The following FZD3 variants were observed in gnomAD, a reference collection of about 807,000 sequenced individuals.
FZD3 encodes frizzled class receptor 3.
In FZD3, 30 loss-of-function variants were observed where a neutral mutation model predicts 60.7. The observed-to-expected ratio is 0.49, with a 90% CI of 0.37 to 0.67. The LOEUF (loss-of-function observed/expected upper bound fraction) is 0.67. Among genes scored for constraint, FZD3 ranks in the 30% least tolerant of loss-of-function variants. The pLI, the probability that FZD3 is intolerant of heterozygous loss-of-function variation, is 0.00. For synonymous variants in FZD3, 246 were observed against 275.2 expected, an observed-to-expected ratio of 0.89 and a Z score of 1.05; for missense variants, 605 against 838.7, an observed-to-expected ratio of 0.72 and a Z score of 3.44.
At chr8:28,548,703 T>G (rs1805349664) in intron 5 of FZD3, among the ~76,000 whole-genome samples, 1 of 152,230 alleles carries the variant, frequency 6.6e-6, no homozygotes, top group African/African-American at 2.4e-5. Flanking sequence ...CTTTCCTGTT[T>G]GTTCTTGATT....
chr8:28,494,780 C>T (rs1803795315), intron 1 of FZD3, among the ~76,000 whole-genome samples: 1 of 151,664 alleles, frequency 6.6e-6, no homozygotes, highest in Non-Finnish European at 1.5e-5. Flanking sequence ...CGGCCGGAGC[C>T]GGCGGCAGCG....
At chr8:28,556,968 C>G (rs1805520105) in intron 7 of FZD3, among the ~76,000 whole-genome samples, 1 of 152,090 alleles carries the variant, frequency 6.6e-6, no homozygotes, top group Admixed American at 6.6e-5. Context: ...TTCAGTAATT[C>G]TTTTGAGAGA....
intron 6 of FZD3, among the ~76,000 whole-genome samples, chr8:28,554,389 G>A (rs1448457351): frequency 6.6e-6 from 1 of 152,108 alleles, no homozygotes; most frequent in Non-Finnish European, 1.5e-5. Flanking sequence ...AACGAATCCA[G>A]ATTTTTATTT....
In FZD3 at chr8:28,511,003, C is replaced by G. The variant is rs1271661389; in HGVS notation, c.189+7801C>G. Among the ~76,000 whole-genome samples, 35 of 152,060 alleles carry G rather than the reference C, an allele frequency of 2.3e-4. 1 individual carries two copies. Among genetic ancestry groups the G allele is most frequent in the Admixed American group, 2.3e-3 (35 of 15,270 alleles). ...AGTGAGCCGAGATCATGCCACTGCACTCCAGCCTGGGCAACGGAGTGAGAC... is the reference window on the plus strand; with the variant it reads ...AGTGAGCCGAGATCATGCCACTGCAGTCCAGCCTGGGCAACGGAGTGAGAC... On this transcript the variant is annotated intron_variant, in intron 3 of 7. Coordinates refer to ENST00000240093, the MANE Select transcript of FZD3 (RefSeq NM_017412.4).
Position 28,573,293 on chromosome 8 carries a change from A to C in FZD3, c.*10282A>C, listed in dbSNP as rs1029438407. ...GCCCTTTTATCTCTCTTAAAGAGAA[A>C]TCTGCATTAAAAGCAAACACATTGC... On this transcript the variant is annotated 3_prime_UTR_variant, in exon 8 of 8. Transcript: ENST00000240093. The C allele has an allele frequency of 6.6e-6, 1 of 152,180 alleles. No individual in the cohort carries two copies. The highest frequency in any genetic ancestry group is 1.5e-5 in the Non-Finnish European group (1 of 68,016). The allele number at this position is 152,180 out of a possible 1,614,324, so 9.4% of individuals were successfully genotyped here. A position where few individuals can be genotyped will look rare whatever the true frequency, so the allele number is the denominator to read the frequency against.
intron 5 of FZD3, among the ~76,000 whole-genome samples, chr8:28,551,084 C>CTAGA (rs755601425): frequency 4.9e-4 from 74 of 151,926 alleles, no homozygotes; most frequent in South Asian, 1.5e-3. Flanking sequence ...TATCATCTAT[C>CTAGA]TAGATAGATA....
rs1018610319 is a variant in FZD3, at chr8:28,572,908, A to G, written c.*9897A>G. 6.6e-6 allele frequency: 1 copy of G among 152,176 alleles called. No individual in the cohort carries two copies. The highest frequency in any genetic ancestry group is 2.4e-5 in the African/African-American group (1 of 41,458). 9.4% of individuals were successfully genotyped at this position (152,176 alleles called of 1,614,324 possible). On this transcript the variant is annotated 3_prime_UTR_variant, in exon 8 of 8. Coordinates refer to ENST00000240093, the MANE Select transcript of FZD3 (RefSeq NM_017412.4). Reference sequence around the variant, plus strand: ...ATAGGTTGTAAAAAGAGTTGTTCCAAATTCAGACTACATCTCATCATATAA... The same window carrying G: ...ATAGGTTGTAAAAAGAGTTGTTCCAGATTCAGACTACATCTCATCATATAA...
chr8:28,516,433 C>T (rs923351311), intron 3 of FZD3, among the ~76,000 whole-genome samples: 2 of 152,194 alleles, frequency 1.3e-5, no homozygotes, highest in Non-Finnish European at 2.9e-5. Flanking sequence ...TCTGCAACAA[C>T]AGAAGGCCGT....
Position 28,570,618 on chromosome 8 carries a change from C to CT in FZD3, c.*7608dup, listed in dbSNP as rs1343563487. 2 of 143,030 alleles carry CT rather than the reference C, an allele frequency of 1.4e-5. No homozygotes were observed. The highest frequency in any genetic ancestry group is 7.0e-5 in the Admixed American group (1 of 14,188). The allele number at this position is 143,030 out of a possible 1,614,324, so 8.9% of individuals were successfully genotyped here. A position where few individuals can be genotyped will look rare whatever the true frequency, so the allele number is the denominator to read the frequency against. ...CCAGCCTGGGCAACGGAGCGAGACT[C>CT]TATCTCAAAAAAAAAAAAAGAAAAA... On this transcript the variant is annotated 3_prime_UTR_variant, in exon 8 of 8. Coordinates refer to ENST00000240093, the MANE Select transcript of FZD3 (RefSeq NM_017412.4).
intron 5 of FZD3, among the ~76,000 whole-genome samples, chr8:28,535,451 T>C (rs1035581086): frequency 3.9e-5 from 6 of 152,234 alleles, no homozygotes; most frequent in African/African-American, 1.4e-4. Context: ...TTTTATCTAA[T>C]GTCCTATTTC....
At chr8:28,518,895 C>T (rs1804501387) in intron 3 of FZD3, among the ~76,000 whole-genome samples, 1 of 152,112 alleles carries the variant, frequency 6.6e-6, no homozygotes, top group South Asian at 2.1e-4. Flanking sequence ...ATTCTTATTC[C>T]CTCTAAAGTT....
intron 5 of FZD3, among the ~76,000 whole-genome samples, chr8:28,546,851 T>C (rs1310299389): frequency 1.3e-5 from 2 of 151,938 alleles, no homozygotes; most frequent in African/African-American, 4.8e-5. Context: ...GGCAGGCACC[T>C]GTAGTCCCAG....
chr8:28,532,053 T>C (rs1041897611), intron 5 of FZD3, among the ~76,000 whole-genome samples: 2 of 152,212 alleles, frequency 1.3e-5, no homozygotes, highest in African/African-American at 4.8e-5. Flanking sequence ...TATTTTTCCA[T>C]ATGGATAAGA....
intron 7 of FZD3, among the ~76,000 whole-genome samples, chr8:28,562,007 C>T (rs1271613010): frequency 6.6e-6 from 1 of 152,178 alleles, no homozygotes; most frequent in East Asian, 1.9e-4. Context: ...CCCACTGCTG[C>T]TTTTCAAGAT....
At chr8:28,532,011 T>C (rs1804889171) in intron 5 of FZD3, among the ~76,000 whole-genome samples, 1 of 152,222 alleles carries the variant, frequency 6.6e-6, no homozygotes, top group South Asian at 2.1e-4. Context: ...CCATAAAATT[T>C]ATTTTTGTGA....
chr8:28,515,053 T>G (rs552843071), intron 3 of FZD3, among the ~76,000 whole-genome samples: 3 of 152,352 alleles, frequency 2.0e-5, no homozygotes, highest in African/African-American at 7.2e-5. Context: ...GTTGGATAAG[T>G]TACTTCGTTT....
Position 28,527,184 on chromosome 8 carries a change from G to A in FZD3, c.424G>A (p.Asp142Asn). The A allele has an allele frequency of 6.2e-7, 1 of 1,613,234 alleles. No individual in the cohort carries two copies. The highest frequency in any genetic ancestry group is 8.5e-7 in the Non-Finnish European group (1 of 1,179,698). Residue 142 changes from aspartate to asparagine, a missense_variant, in exon 5 of 8, where the codon GAT becomes AAT. Asp to Asn is a conservative substitution (Grantham distance 23, BLOSUM62 1). Coordinates refer to ENST00000240093, the MANE Select transcript of FZD3 (RefSeq NM_017412.4). This position sits in a 1 kb window ranked among gnomAD's most constrained non-coding sequence, Gnocchi z 5.0. The stretch of plus-strand genomic sequence containing the variant: ...TGATGAGCCATATCCTCGACTTGTG[G>A]ATCTGAATTTAGCTGGAGAACCAAC... ...DCDEPYPRLVDLNLAGEPTEG... is the reference protein window; with the variant it reads ...DCDEPYPRLVNLNLAGEPTEG...
At chr8:28,497,683 T>C (rs1372005991) in intron 1 of FZD3, among the ~76,000 whole-genome samples, 1 of 152,228 alleles carries the variant, frequency 6.6e-6, no homozygotes, top group Non-Finnish European at 1.5e-5. Flanking sequence ...AATGATGGAA[T>C]GGAGCCCTTT....
In FZD3 at chr8:28,517,630, CCTT is replaced by C. The variant is rs200213038; in HGVS notation, c.190-3004_190-3002del. Among the ~76,000 whole-genome samples, 1,369 of 151,898 alleles carry C rather than the reference CCTT, an allele frequency of 9.0e-3. 7 individuals carry two copies. The highest frequency in any genetic ancestry group is 0.02 in the African/African-American group (813 of 41,408). ...TTTTTCTGTATTTTTTGGTCTGTGACCTTCTTTCTGTTTGAATATTTTCTATTG... is the reference window on the plus strand; with the variant it reads ...TTTTTCTGTATTTTTTGGTCTGTGACCTTTCTGTTTGAATATTTTCTATTG... On this transcript the variant is annotated intron_variant, in intron 3 of 7. Coordinates refer to ENST00000240093, the MANE Select transcript of FZD3 (RefSeq NM_017412.4).
Sources: allele counts gnomAD v4.1 joint callset (sites outside exome capture counted in the v4.1 genomes callset), GRCh38; gene constraint gnomAD v4.1.1; non-coding constraint Gnocchi (gnomAD v3.1); transcripts MANE v1.5; gene names NCBI Gene and HGNC (gene_info 2026-07-23, HGNC 2026-07-21).